The following NCKAP5 variants were observed in gnomAD, a reference collection of about 807,000 sequenced individuals.
The protein encoded by NCKAP5 is NCK associated protein 5, also known as nck-associated protein 5.
NCKAP5 carries 92 observed loss-of-function variants against 167.0 expected under a neutral mutation model. The observed-to-expected ratio is 0.55, with a 90% CI of 0.47 to 0.66. NCKAP5 has a LOEUF of 0.66. Ranked by LOEUF, NCKAP5 falls within the 30% of genes least tolerant of loss-of-function variation. The probability of loss-of-function intolerance (pLI) is 0.00; values close to 1 mark genes in which losing one functional copy is unlikely to be tolerated. For synonymous variants in NCKAP5, 891 were observed against 877.4 expected, an observed-to-expected ratio of 1.02 and a Z score of -0.27; for missense variants, 2,378 against 2,315.0, an observed-to-expected ratio of 1.03 and a Z score of -0.56.
chr2:133,344,567 G>A (rs929390014), intron 3 of NCKAP5, among the ~76,000 whole-genome samples: 1 of 152,100 alleles, frequency 6.6e-6, no homozygotes, highest in African/African-American at 2.4e-5. Flanking sequence ...GTCAGGAGTG[G>A]TTTGTATTCA....
intron 6 of NCKAP5, among the ~76,000 whole-genome samples, chr2:133,101,109 CT>C (rs2081500185): frequency 6.6e-6 from 1 of 150,846 alleles, no homozygotes; most frequent in African/African-American, 2.5e-5. Flanking sequence ...CCAGTTTCAG[CT>C]TTCTACATAT....
At chr2:133,385,256 AG>A (rs1686855556) in intron 3 of NCKAP5, among the ~76,000 whole-genome samples, 1 of 152,176 alleles carries the variant, frequency 6.6e-6, no homozygotes, top group Non-Finnish European at 1.5e-5. Flanking sequence ...TTTAGCATGA[AG>A]GGTTGTTGAA....
At chr2:132,876,241 C>T (rs1055383329) in intron 9 of NCKAP5, among the ~76,000 whole-genome samples, 5 of 152,112 alleles carry the variant, frequency 3.3e-5, no homozygotes, top group African/African-American at 4.8e-5. Context: ...CCTGCCACTA[C>T]ATTCGCCTAG....
chr2:132,986,896 T>G (rs2077305482), intron 7 of NCKAP5, among the ~76,000 whole-genome samples: 1 of 152,164 alleles, frequency 6.6e-6, no homozygotes, highest in African/African-American at 2.4e-5. Context: ...TCCAAACTTA[T>G]GAATCCAGGA....
chr2:133,082,719 C>T (rs987928526), intron 6 of NCKAP5, among the ~76,000 whole-genome samples: 1 of 152,070 alleles, frequency 6.6e-6, no homozygotes, highest in African/African-American at 2.4e-5. Flanking sequence ...GTCCCTGGTG[C>T]CAGGTTTTGG....
chr2:132,834,414 G>A (rs1373331355), intron 11 of NCKAP5, among the ~76,000 whole-genome samples: 7 of 152,060 alleles, frequency 4.6e-5, no homozygotes, highest in South Asian at 4.2e-4. Flanking sequence ...GCGCGATCTC[G>A]GCTCACTGCA....
intron 3 of NCKAP5, among the ~76,000 whole-genome samples, chr2:133,370,550 G>A (rs1465832529): frequency 6.6e-6 from 1 of 152,156 alleles, no homozygotes; most frequent in African/African-American, 2.4e-5. Flanking sequence ...TATGCTTAAT[G>A]AGTCTCATCA....
chr2:132,818,627 G>T (rs1458097331), intron 11 of NCKAP5, among the ~76,000 whole-genome samples: 1 of 152,232 alleles, frequency 6.6e-6, no homozygotes, highest in Non-Finnish European at 1.5e-5. Flanking sequence ...GGTGGTGGTT[G>T]CAGTGAGCCG....
chr2:132,985,028 GCT>G (rs1428823179), intron 7 of NCKAP5, among the ~76,000 whole-genome samples: 1 of 151,520 alleles, frequency 6.6e-6, no homozygotes, highest in African/African-American at 2.4e-5. Flanking sequence ...ATAAAGGCTG[GCT>G]CTCTGCTGAG....
chr2:133,586,670 T>C, the NCKAP5 span, among the ~76,000 whole-genome samples: 26,933 of 151,696 alleles, frequency 0.18, 2,518 homozygotes, highest in East Asian at 0.32. Flanking sequence ...AAAGTGGTGG[T>C]GTGAGCAGAT....
In NCKAP5 at chr2:133,534,487, TC is replaced by T. The variant is rs35691698; in HGVS notation, c.-61-16901del. Among the ~76,000 whole-genome samples the T allele has an allele frequency of 5.3e-3, 801 of 152,218 alleles. 9 individuals carry two copies. Among genetic ancestry groups the T allele is most frequent in the African/African-American group, 0.018 (744 of 41,534 alleles). Reference sequence around the variant, plus strand: ...ACCCCATACGCATCAGCAGTGCTTCTCCATCCCCTACCCCTTACCCAGCCCC... The same window carrying T: ...ACCCCATACGCATCAGCAGTGCTTCTCATCCCCTACCCCTTACCCAGCCCC... On this transcript the variant is annotated intron_variant, in intron 2 of 19. Coordinates refer to ENST00000409261, the MANE Select transcript of NCKAP5 (RefSeq NM_207363.3).
At chr2:133,408,676 C>T (rs1343207319) in intron 3 of NCKAP5, among the ~76,000 whole-genome samples, 1 of 152,248 alleles carries the variant, frequency 6.6e-6, no homozygotes. Flanking sequence ...GTCTATACCA[C>T]CTCCCAGCTA....
intron 3 of NCKAP5, among the ~76,000 whole-genome samples, chr2:133,347,210 C>T (rs1684037223): frequency 6.6e-6 from 1 of 152,144 alleles, no homozygotes; most frequent in Admixed American, 6.5e-5. Flanking sequence ...CAACTTTCTA[C>T]TATAAGGTCA....
chr2:132,817,653 A>T (rs1176203770), intron 11 of NCKAP5, among the ~76,000 whole-genome samples: 1 of 152,168 alleles, frequency 6.6e-6, no homozygotes, highest in Non-Finnish European at 1.5e-5. Context: ...TGTCAGATTA[A>T]CCTTGGCCAA....
At chr2:133,557,658 G>C (rs1183461812) in intron 2 of NCKAP5, among the ~76,000 whole-genome samples, 1 of 152,190 alleles carries the variant, frequency 6.6e-6, no homozygotes, top group Non-Finnish European at 1.5e-5. Flanking sequence ...AAAGGAGAAA[G>C]ACAATTATAA....
chr2:132,871,153 T>A (rs1275359844), intron 9 of NCKAP5, among the ~76,000 whole-genome samples: 1 of 152,204 alleles, frequency 6.6e-6, no homozygotes, highest in Non-Finnish European at 1.5e-5. Flanking sequence ...CCTTTATCAC[T>A]TTATTTATAT....
chr2:133,294,661 G>A (rs1486225812), intron 4 of NCKAP5, among the ~76,000 whole-genome samples: 6 of 152,142 alleles, frequency 3.9e-5, no homozygotes, highest in African/African-American at 1.4e-4. Context: ...GAACATGAAT[G>A]AGCATTTTGA....
At chr2:133,585,049 T>G in the NCKAP5 span, among the ~76,000 whole-genome samples, 1 of 151,610 alleles carries the variant, frequency 6.6e-6, no homozygotes, top group African/African-American at 2.4e-5. Flanking sequence ...AAGAGGGTAA[T>G]TGTGAGATGA....
chr2:133,562,761 C>A (rs943742769), intron 1 of NCKAP5, among the ~76,000 whole-genome samples: 1 of 152,122 alleles, frequency 6.6e-6, no homozygotes, highest in Non-Finnish European at 1.5e-5. Context: ...GGTTTCTTGC[C>A]CTGAAAATAC....
Sources: gnomAD v4.1 joint callset for allele counts (sites outside exome capture counted in the v4.1 genomes callset) on GRCh38, gnomAD v4.1.1 for gene constraint, MANE v1.5 for transcripts, NCBI Gene and HGNC (gene_info 2026-07-23, HGNC 2026-07-21) for gene names.